OXCT1: variants seen among roughly 807,000 people sequenced by gnomAD.
The protein encoded by OXCT1 is 3-oxoacid CoA-transferase 1, also known as succinyl-CoA:3-ketoacid coenzyme A transferase 1, mitochondrial.
Under a neutral mutation model 69.6 loss-of-function variants are expected in OXCT1, and 27 were observed. The ratio of observed to expected loss-of-function variants is 0.39; its 90% CI spans 0.29 to 0.54. OXCT1 has a LOEUF of 0.54. OXCT1 is among the 20% of genes least tolerant of loss of function. The pLI, the probability that OXCT1 is intolerant of heterozygous loss-of-function variation, is 0.72. For synonymous variants in OXCT1, 202 were observed against 217.8 expected, an observed-to-expected ratio of 0.93 and a Z score of 0.64; for missense variants, 437 against 650.2, an observed-to-expected ratio of 0.67 and a Z score of 3.57.
intron 7 of OXCT1, among the ~76,000 whole-genome samples, chr5:41,809,098 G>A (rs1746836649): frequency 6.6e-6 from 1 of 151,824 alleles, no homozygotes; most frequent in Non-Finnish European, 1.5e-5. Context: ...ATAATTTCAT[G>A]TTTCATAAAA....
chr5:41,842,626 T>C lies in OXCT1; in HGVS notation c.671+49A>G, dbSNP rs17847294. 735 of 1,272,292 alleles carry C rather than the reference T, an allele frequency of 5.8e-4. 8 individuals are homozygous for C. In the East Asian group the frequency reaches 0.013, roughly 22 times the overall value. 78.8% of individuals were successfully genotyped at this position (1,272,292 alleles called of 1,614,324 possible). ...AATTCCAAATTCACTCTGATGTCCA[T>C]TTTTAGAGTTGCTGATATGCACGAG... On this transcript the variant is annotated intron_variant, in intron 6 of 16. Coordinates refer to ENST00000196371, the MANE Select transcript of OXCT1 (RefSeq NM_000436.4).
intron 13 of OXCT1, among the ~76,000 whole-genome samples, chr5:41,765,409 C>CACAG (rs1156422324): frequency 3.9e-5 from 6 of 152,132 alleles, no homozygotes; most frequent in African/African-American, 1.4e-4. Context: ...CCATCTGTTG[C>CACAG]ACAGCCCACT....
At chr5:41,838,662 T>C (rs1293901827) in intron 7 of OXCT1, among the ~76,000 whole-genome samples, 1 of 151,720 alleles carries the variant, frequency 6.6e-6, no homozygotes, top group Non-Finnish European at 1.5e-5. Flanking sequence ...TCTCACTGTG[T>C]GGCCCAGGCT....
At chr5:41,858,028 A>G (rs1181135414) in intron 3 of OXCT1, among the ~76,000 whole-genome samples, 2 of 152,130 alleles carry the variant, frequency 1.3e-5, no homozygotes, top group African/African-American at 4.8e-5. Context: ...CCCATTACCC[A>G]TTTTAAGTTG....
chr5:41,817,968 T>A (rs1747329535), intron 7 of OXCT1, among the ~76,000 whole-genome samples: 1 of 152,196 alleles, frequency 6.6e-6, no homozygotes. Flanking sequence ...ACATAAGGCA[T>A]TTTTGCTTTC....
chr5:41,808,261 C>T (rs1350807795), intron 7 of OXCT1, among the ~76,000 whole-genome samples: 1 of 152,102 alleles, frequency 6.6e-6, no homozygotes, highest in Non-Finnish European at 1.5e-5. Flanking sequence ...CGCACACAAA[C>T]ATACACACCT....
intron 16 of OXCT1, among the ~76,000 whole-genome samples, chr5:41,734,566 T>C (rs557733099): frequency 3.3e-5 from 5 of 152,334 alleles, no homozygotes; most frequent in Admixed American, 3.3e-4. Context: ...ATAAAGAAAT[T>C]TGACATACTC....
At position 41,834,143 on chromosome 5, in the gene OXCT1, C is replaced by CA. The variant is rs201987045; in HGVS notation, c.732+6307dup. Among the ~76,000 whole-genome samples the CA allele has an allele frequency of 4.5e-3, 678 of 149,982 alleles. 3 individuals carry two copies. Among genetic ancestry groups the CA allele is most frequent in the African/African-American group, 0.016 (653 of 40,802 alleles). ...TCAAGCCTCATGCTAACATCAAATA[C>CA]AAAAAAAACTACAGATTCATAAAAA... On this transcript the variant is annotated intron_variant, in intron 7 of 16. Coordinates refer to ENST00000196371, the MANE Select transcript of OXCT1 (RefSeq NM_000436.4).
chr5:41,824,663 T>C (rs1047084849), intron 7 of OXCT1, among the ~76,000 whole-genome samples: 6 of 152,190 alleles, frequency 3.9e-5, no homozygotes, highest in Non-Finnish European at 8.8e-5. Flanking sequence ...AAAATACTTT[T>C]TATAGCAGAA....
In OXCT1 at chr5:41,862,760, T is replaced by TAA. The variant is rs748715820; in HGVS notation, c.79-12_79-11dup. The stretch of plus-strand genomic sequence containing the variant: ...AGGAACAAACACATCCCTGAAATAT[T>TAA]AAAAAAAAAAAATTGATAATCATTT... On this transcript the variant is annotated splice_polypyrimidine_tract_variant and intron_variant, in intron 1 of 16. Transcript: ENST00000196371. 338 of 1,257,554 alleles carry TAA rather than the reference T, an allele frequency of 2.7e-4. No homozygotes were observed. Among genetic ancestry groups the TAA allele is most frequent in the African/African-American group, 2.3e-3 (149 of 65,424 alleles). The allele number at this position is 1,257,554 out of a possible 1,614,324, so 77.9% of individuals were successfully genotyped here. A position where few individuals can be genotyped will look rare whatever the true frequency, so the allele number is the denominator to read the frequency against.
At chr5:41,861,512 A>G in intron 2 of OXCT1, 108 bp from the exon 3 acceptor site, 3 of 768,514 alleles carry the variant, frequency 3.9e-6, no homozygotes, top group Non-Finnish European at 7.1e-6. Flanking sequence ...GCACATTATT[A>G]GATCTACTAA....
chr5:41,852,462 G>A (rs1354111033), intron 4 of OXCT1, among the ~76,000 whole-genome samples: 1 of 152,146 alleles, frequency 6.6e-6, no homozygotes, highest in African/African-American at 2.4e-5. Flanking sequence ...AAAGCGGAGT[G>A]GCTCAGTTCA....
At chr5:41,856,627 T>C (rs757570505) in intron 3 of OXCT1, among the ~76,000 whole-genome samples, 11 of 152,164 alleles carry the variant, frequency 7.2e-5, no homozygotes, top group Non-Finnish European at 1.6e-4. Flanking sequence ...CAGGTAACTG[T>C]CAACCTCCTA....
chr5:41,794,477 G>C (rs1746080976), intron 12 of OXCT1, 200 bp downstream of exon 12: 1 of 617,362 alleles, frequency 1.6e-6, no homozygotes, highest in Admixed American at 2.9e-5. Context: ...CCATTTTGGG[G>C]GTTCTTTTCC....
intron 3 of OXCT1, among the ~76,000 whole-genome samples, chr5:41,859,864 AAT>A (rs3050894): frequency 0.056 from 6,711 of 119,736 alleles, 287 homozygotes; most frequent in Non-Finnish European, 0.065. Context: ...CTAGTATAGT[AAT>A]ATATATATAT....
chr5:41,733,758 T>C (rs1395865859), intron 16 of OXCT1, among the ~76,000 whole-genome samples: 3 of 152,182 alleles, frequency 2.0e-5, no homozygotes, highest in African/African-American at 7.2e-5. Flanking sequence ...TAGACTGACT[T>C]TGCCTGCTTT....
intron 15 of OXCT1, among the ~76,000 whole-genome samples, chr5:41,744,040 G>T (rs1190985711): frequency 1.3e-5 from 2 of 152,094 alleles, no homozygotes; most frequent in East Asian, 1.9e-4. Context: ...GCTTGATGGG[G>T]ATAGCATTGA....
intron 13 of OXCT1, among the ~76,000 whole-genome samples, chr5:41,777,309 A>G (rs1314464073): frequency 6.6e-6 from 1 of 152,176 alleles, no homozygotes; most frequent in South Asian, 2.1e-4. Flanking sequence ...CCAGCTACTT[A>G]GGAGGCTGAG....
At position 41,743,084 on chromosome 5, in the gene OXCT1, C is replaced by T. The variant is rs571785817; in HGVS notation, c.1420-3593G>A. Among the ~76,000 whole-genome samples the T allele has an allele frequency of 2.2e-4, 34 of 152,312 alleles. No individual in the cohort carries two copies. In the South Asian group the frequency reaches 5.8e-3, roughly 26 times the overall value. The stretch of plus-strand genomic sequence containing the variant: ...CTTCCACAATGGCTGAACTAGTTTA[C>T]GGTCCCACCAACAGTGTAAAAGTGT... On this transcript the variant is annotated intron_variant, in intron 15 of 16. Transcript: ENST00000196371.
Sources: allele counts gnomAD v4.1 joint callset (sites outside exome capture counted in the v4.1 genomes callset), GRCh38; gene constraint gnomAD v4.1.1; transcripts MANE v1.5; gene names NCBI Gene and HGNC (gene_info 2026-07-23, HGNC 2026-07-21).